Variants in XRN2 observed in about 807,000 individuals in gnomAD.
XRN2 encodes the protein 5'-3' exoribonuclease 2, also known as DHM1-like protein.
In XRN2, 44 loss-of-function variants were observed where a neutral mutation model predicts 138.5. That is an observed-to-expected ratio of 0.32 (90% CI 0.25 to 0.41). The LOEUF is 0.41. Ranked by LOEUF, XRN2 falls within the 10% of genes least tolerant of loss-of-function variation. The probability of loss-of-function intolerance (pLI) is 1.00; values close to 1 mark genes in which losing one functional copy is unlikely to be tolerated. For synonymous variants in XRN2, 354 were observed against 369.4 expected, an observed-to-expected ratio of 0.96 and a Z score of 0.48; for missense variants, 937 against 1,169.3, an observed-to-expected ratio of 0.80 and a Z score of 2.90.
chr20:21,340,625 C>A lies in XRN2; in HGVS notation c.1279-96C>A, dbSNP rs1016217556. 6 of 1,391,050 alleles carry A rather than the reference C, an allele frequency of 4.3e-6. No homozygotes were observed. The African/African-American group carries it at 8.6e-5, about 20-fold the overall frequency. The allele number at this position is 1,391,050 out of a possible 1,614,324, so 86.2% of individuals were successfully genotyped here. A position where few individuals can be genotyped will look rare whatever the true frequency, so the allele number is the denominator to read the frequency against. ...TTTAGTGAGTTTTGTAAAGTGCTTA[C>A]AGTTTGGACTTTATTCCATTGCCCT... On this transcript the variant is annotated intron_variant, in intron 14 of 29. Coordinates refer to ENST00000377191, the MANE Select transcript of XRN2 (RefSeq NM_012255.5).
At chr20:21,328,312 G>A (rs980691415) in intron 3 of XRN2, among the ~76,000 whole-genome samples, 14 of 152,116 alleles carry the variant, frequency 9.2e-5, no homozygotes, top group African/African-American at 3.1e-4. Context: ...TAAGTGCTAG[G>A]GCTTCATAGG....
chr20:21,338,116 A>G (rs2038320562), intron 13 of XRN2, among the ~76,000 whole-genome samples: 1 of 152,142 alleles, frequency 6.6e-6, no homozygotes. Flanking sequence ...AATTTCCTTA[A>G]GGCCTTATAT....
At chr20:21,319,839 C>G (rs2038013014) in intron 1 of XRN2, among the ~76,000 whole-genome samples, 1 of 152,078 alleles carries the variant, frequency 6.6e-6, no homozygotes, top group African/African-American at 2.4e-5. Context: ...TCCATCCACC[C>G]CTTTTTGCTA....
intron 4 of XRN2, among the ~76,000 whole-genome samples, chr20:21,330,202 GA>G (rs1286981040): frequency 2.0e-5 from 3 of 152,070 alleles, no homozygotes; most frequent in African/African-American, 7.2e-5. Flanking sequence ...AGAATCGCTT[GA>G]ACCCCGGAAG....
chr20:21,330,578 T>TAAATGATAGGTTA (rs749527365), intron 5 of XRN2, 38 bp from the exon 6 acceptor site: 1 of 1,613,418 alleles, frequency 6.2e-7, no homozygotes, highest in Non-Finnish European at 8.5e-7. Context: ...TGCTAACTCT[T>TAAATGATAGGTTA]AAATGATAGG....
At chr20:21,303,502 T>C in intron 1 of XRN2, 29 bp downstream of exon 1, 2 of 1,534,442 alleles carry the variant, frequency 1.3e-6, no homozygotes, top group Non-Finnish European at 1.8e-6. Flanking sequence ...GCCGCCACAC[T>C]CGAGCCCGGG....
chr20:21,311,207 C>T (rs959941431), intron 1 of XRN2, among the ~76,000 whole-genome samples: 10 of 152,118 alleles, frequency 6.6e-5, no homozygotes, highest in African/African-American at 2.4e-4. Flanking sequence ...TGTCTATTTC[C>T]AGAACAATTT....
intron 27 of XRN2, among the ~76,000 whole-genome samples, chr20:21,375,272 A>G (rs1178602258): frequency 6.9e-6 from 1 of 145,084 alleles, no homozygotes; most frequent in African/African-American, 2.5e-5. Context: ...ATATATAGAT[A>G]TTTGTTCTTT....
At chr20:21,309,424 A>G (rs1383018200) in intron 1 of XRN2, among the ~76,000 whole-genome samples, 3 of 152,150 alleles carry the variant, frequency 2.0e-5, no homozygotes, top group Admixed American at 6.5e-5. Flanking sequence ...TGCCCATTTC[A>G]TCTAAGTCAA....
chr20:21,353,193 T>A (rs1488730606), intron 20 of XRN2, among the ~76,000 whole-genome samples: 4 of 144,560 alleles, frequency 2.8e-5, no homozygotes, highest in African/African-American at 1.0e-4. Context: ...ATTTTATATA[T>A]ATATAAATAT....
intron 1 of XRN2, among the ~76,000 whole-genome samples, chr20:21,315,129 G>A (rs2037940673): frequency 6.6e-6 from 1 of 152,158 alleles, no homozygotes; most frequent in Non-Finnish European, 1.5e-5. Flanking sequence ...ACCTTGTCCC[G>A]GGCAGTTGCG....
chr20:21,371,621 A>T (rs1328037984), intron 27 of XRN2, among the ~76,000 whole-genome samples: 1 of 152,270 alleles, frequency 6.6e-6, no homozygotes, highest in Non-Finnish European at 1.5e-5. Flanking sequence ...GATTTTACTA[A>T]TAAATGGTGA....
Position 21,326,426 on chromosome 20 carries a change from C to T in XRN2, c.203+20C>T. 6.2e-7 allele frequency: 1 copy of T among 1,613,332 alleles called. No homozygotes were observed. Among genetic ancestry groups the T allele is most frequent in the Non-Finnish European group, 8.5e-7 (1 of 1,179,586 alleles). Reference sequence around the variant, plus strand: ...AGACAAGTACGTAACCCATTTTTGTCACTGATATAGCAAATCACAGAGGAA... The same window carrying T: ...AGACAAGTACGTAACCCATTTTTGTTACTGATATAGCAAATCACAGAGGAA... On this transcript the variant is annotated intron_variant, in intron 2 of 29. Coordinates refer to ENST00000377191, the MANE Select transcript of XRN2 (RefSeq NM_012255.5).
chr20:21,375,810 T>G (rs573499949), intron 27 of XRN2, among the ~76,000 whole-genome samples: 6 of 146,898 alleles, frequency 4.1e-5, no homozygotes, highest in Non-Finnish European at 7.6e-5. Context: ...TACCAGGTGT[T>G]TTTATTTATT....
At chr20:21,358,063 G>C (rs144458219) in intron 24 of XRN2, among the ~76,000 whole-genome samples, 1 of 152,158 alleles carries the variant, frequency 6.6e-6, no homozygotes, top group East Asian at 1.9e-4. Flanking sequence ...CAAGTGGGAG[G>C]TAAAGAGTAG....
chr20:21,343,470 A>G (rs1485200406), intron 15 of XRN2, among the ~76,000 whole-genome samples: 1 of 151,920 alleles, frequency 6.6e-6, no homozygotes, highest in African/African-American at 2.4e-5. Flanking sequence ...TTGATTTTTA[A>G]AACTGAACAT....
intron 1 of XRN2, among the ~76,000 whole-genome samples, chr20:21,309,610 A>G (rs544156590): frequency 3.5e-4 from 54 of 152,132 alleles, no homozygotes; most frequent in Admixed American, 2.6e-3. Context: ...TCTTCTTCCA[A>G]AGTGGCCCAG....
At chr20:21,358,068 G>T (rs1040034649) in intron 24 of XRN2, among the ~76,000 whole-genome samples, 14 of 152,148 alleles carry the variant, frequency 9.2e-5, no homozygotes, top group African/African-American at 3.4e-4. Context: ...GGGAGGTAAA[G>T]AGTAGGAGTA....
chr20:21,330,505 TAAAAG>T lies in XRN2; in HGVS notation c.456_460del (p.Glu153IlefsTer2). ...GGTGGCTTTCTTCCTCCAGAAGAAA[TAAAAG>T]AAAGATTTGACAGCAACTGTATTAC... On this transcript the variant is annotated frameshift_variant, in exon 5 of 30. Coordinates refer to ENST00000377191, the MANE Select transcript of XRN2 (RefSeq NM_012255.5). LOFTEE classifies it high-confidence loss of function. 6.2e-7 allele frequency: 1 copy of T among 1,613,794 alleles called. No individual in the cohort carries two copies. The highest frequency in any genetic ancestry group is 8.5e-7 in the Non-Finnish European group (1 of 1,179,918).
Sources: allele counts gnomAD v4.1 joint callset (sites outside exome capture counted in the v4.1 genomes callset), GRCh38; gene constraint gnomAD v4.1.1; transcripts MANE v1.5; gene names NCBI Gene and HGNC (gene_info 2026-07-23, HGNC 2026-07-21).